DOK6: variants seen among roughly 807,000 people sequenced by gnomAD.
DOK6 encodes downstream of tyrosine kinase 6.
A neutral mutation model predicts 44.0 loss-of-function variants in DOK6; 22 were observed. The observed-to-expected ratio is 0.50, with a 90% CI of 0.36 to 0.71. The LOEUF (loss-of-function observed/expected upper bound fraction) is 0.71, where lower values mean the gene tolerates loss of function less well. Among genes scored for constraint, DOK6 ranks in the 30% least tolerant of loss-of-function variants. DOK6 has a pLI of 0.00. For synonymous variants in DOK6, 166 were observed against 145.5 expected (o/e 1.14, Z -1.01); for missense variants, 340 against 416.4 (o/e 0.82, Z 1.60).
intron 3 of DOK6, among the ~76,000 whole-genome samples, chr18:69,623,207 A>G (rs1255353812): frequency 6.6e-6 from 1 of 152,114 alleles, no homozygotes; most frequent in Non-Finnish European, 1.5e-5. Flanking sequence ...CATTATTGTA[A>G]GTTTCATGAG....
At chr18:69,416,799 A>G (rs1978352925) in intron 1 of DOK6, among the ~76,000 whole-genome samples, 1 of 152,102 alleles carries the variant, frequency 6.6e-6, no homozygotes, top group Admixed American at 6.6e-5. Flanking sequence ...TATATAGACT[A>G]TGTTGTGATC....
chr18:69,412,075 C>A (rs1480827619), intron 1 of DOK6, among the ~76,000 whole-genome samples: 2 of 152,106 alleles, frequency 1.3e-5, no homozygotes, highest in African/African-American at 4.8e-5. Flanking sequence ...TCAGTTTTAT[C>A]TTTGGTAGTT....
chr18:69,692,397 A>T (rs1026854809), intron 4 of DOK6, among the ~76,000 whole-genome samples: 2 of 152,232 alleles, frequency 1.3e-5, no homozygotes, highest in Admixed American at 1.3e-4. Context: ...AAGAAAAACC[A>T]TTTTCCTAAA....
chr18:69,808,992 A>T (rs1473384142), intron 7 of DOK6, among the ~76,000 whole-genome samples: 1 of 151,872 alleles, frequency 6.6e-6, no homozygotes, highest in Non-Finnish European at 1.5e-5. Flanking sequence ...CCTACAAGTA[A>T]ATCACAAGCC....
At chr18:69,831,437 C>T (rs9962570) in intron 7 of DOK6, among the ~76,000 whole-genome samples, 39,048 of 152,056 alleles carry the variant, frequency 0.26, 5,023 homozygotes, top group Non-Finnish European at 0.27. Flanking sequence ...CCCATTCCTG[C>T]TGACACATAA....
intron 5 of DOK6, among the ~76,000 whole-genome samples, chr18:69,738,594 A>G (rs1256867706): frequency 1.3e-5 from 2 of 152,232 alleles, no homozygotes; most frequent in Non-Finnish European, 2.9e-5. Flanking sequence ...TGATAACTGC[A>G]TAACAGTTTG....
At chr18:69,592,975 A>T (rs1983656216) in intron 2 of DOK6, among the ~76,000 whole-genome samples, 2 of 152,200 alleles carry the variant, frequency 1.3e-5, no homozygotes, top group Non-Finnish European at 2.9e-5. Context: ...CAATCCATAT[A>T]GTATTGACAG....
intron 2 of DOK6, among the ~76,000 whole-genome samples, chr18:69,592,351 T>C (rs1423345832): frequency 6.6e-6 from 1 of 150,774 alleles, no homozygotes; most frequent in Non-Finnish European, 1.5e-5. Context: ...TTAATTCTGA[T>C]TTTTCCTTCT....
At chr18:69,835,433 C>G (rs1213590208) in intron 7 of DOK6, among the ~76,000 whole-genome samples, 2 of 151,880 alleles carry the variant, frequency 1.3e-5, no homozygotes, top group East Asian at 1.9e-4. Context: ...CCACTGCACT[C>G]CAGCCTGGGC....
chr18:69,618,067 C>T (rs1217576449), intron 3 of DOK6, among the ~76,000 whole-genome samples: 2 of 152,138 alleles, frequency 1.3e-5, no homozygotes, highest in Non-Finnish European at 2.9e-5. Context: ...TGCAAAGAGG[C>T]AGCTACAACC....
chr18:69,820,490 A>C (rs1381892169), intron 7 of DOK6, among the ~76,000 whole-genome samples: 1 of 152,192 alleles, frequency 6.6e-6, no homozygotes, highest in Non-Finnish European at 1.5e-5. Context: ...ACTACTAAGA[A>C]TGAAAAGTAA....
At chr18:69,509,468 T>C (rs1981292382) in intron 1 of DOK6, among the ~76,000 whole-genome samples, 1 of 151,768 alleles carries the variant, frequency 6.6e-6, no homozygotes, top group Non-Finnish European at 1.5e-5. Flanking sequence ...AAACCCCGTC[T>C]CTACTAAAAA....
chr18:69,546,510 T>C (rs1475018241), intron 1 of DOK6, among the ~76,000 whole-genome samples: 1 of 151,504 alleles, frequency 6.6e-6, no homozygotes, highest in Admixed American at 6.6e-5. Context: ...CGAGCAGAGA[T>C]ATGAGTTCTT....
intron 2 of DOK6, among the ~76,000 whole-genome samples, chr18:69,574,773 G>C (rs1173042735): frequency 2.0e-5 from 3 of 151,986 alleles, no homozygotes; most frequent in Non-Finnish European, 4.4e-5. Flanking sequence ...AATGTTTTTT[G>C]TCATATTCTC....
At chr18:69,627,494 G>A (rs1984583450) in intron 3 of DOK6, among the ~76,000 whole-genome samples, 1 of 151,890 alleles carries the variant, frequency 6.6e-6, no homozygotes, top group Admixed American at 6.6e-5. Context: ...TGTCCCCCAG[G>A]CTGGAGGGCA....
chr18:69,830,712 C>T (rs568975134), intron 7 of DOK6, among the ~76,000 whole-genome samples: 46 of 152,234 alleles, frequency 3.0e-4, no homozygotes, highest in African/African-American at 1.1e-3. Context: ...TTTGAAGGAA[C>T]GTGAATCAAG....
chr18:69,809,498 T>A (rs1477990815), intron 7 of DOK6, among the ~76,000 whole-genome samples: 1 of 150,776 alleles, frequency 6.6e-6, no homozygotes, highest in Non-Finnish European at 1.5e-5. Context: ...AAGGAAGAAG[T>A]TAAATTGTCC....
intron 7 of DOK6, among the ~76,000 whole-genome samples, chr18:69,805,031 A>C (rs1981013822): frequency 6.6e-6 from 1 of 152,224 alleles, no homozygotes; most frequent in Non-Finnish European, 1.5e-5. Context: ...AAGCAAAGGC[A>C]GTAATTCCCA....
At chr18:69,575,037 A>G (rs1243625750) in intron 2 of DOK6, among the ~76,000 whole-genome samples, 3 of 152,080 alleles carry the variant, frequency 2.0e-5, no homozygotes, top group Non-Finnish European at 4.4e-5. Flanking sequence ...GGCCATGGTG[A>G]AAAGCCTAGG....
Sources: allele counts gnomAD v4.1 joint callset (sites outside exome capture counted in the v4.1 genomes callset), GRCh38; gene constraint gnomAD v4.1.1; transcripts MANE v1.5; gene names NCBI Gene and HGNC (gene_info 2026-07-23, HGNC 2026-07-21).